Variants in FRMPD4 observed in about 807,000 individuals in gnomAD.
FRMPD4 encodes the protein FERM and PDZ domain containing 4.
FRMPD4 carries 22 observed loss-of-function variants against 94.1 expected under a neutral mutation model. That is an observed-to-expected ratio of 0.23 (90% CI 0.17 to 0.33). The LOEUF (loss-of-function observed/expected upper bound fraction) is 0.33. FRMPD4 is among the 10% of genes least tolerant of loss of function. The probability of loss-of-function intolerance (pLI) is 1.00; values close to 1 mark genes in which losing one functional copy is unlikely to be tolerated. For missense variants in FRMPD4, 1,111 were observed against 1,339.9 expected (o/e 0.83, Z 2.67); for synonymous variants, 631 against 548.6 (o/e 1.15, Z -2.10).
At chrX:12,202,998 C>CT (rs1401125407) in intron 1 of FRMPD4, among the ~76,000 whole-genome samples, 2 of 111,919 alleles carry the variant, frequency 1.8e-5, no homozygotes, top group African/African-American at 6.5e-5. Context: ...CTTCTGGCTT[C>CT]CATACTGTGA....
intron 2 of FRMPD4, among the ~76,000 whole-genome samples, chrX:12,562,567 T>C: frequency 8.9e-6 from 1 of 112,656 alleles, no homozygotes; most frequent in Middle Eastern, 4.6e-3. Flanking sequence ...CAAAGTGCTA[T>C]GATTAATTCT....
At chrX:12,072,102 C>T (rs982288809) in intron 3 of FRMPD4, among the ~76,000 whole-genome samples, 1 of 111,394 alleles carries the variant, frequency 9.0e-6, no homozygotes, top group African/African-American at 3.3e-5. Flanking sequence ...GGGATCCTCT[C>T]ATCTCAGCCC....
In FRMPD4 at chrX:12,477,717, GTTACATGCTCA is replaced by G. The variant is rs752362786; in HGVS notation, c.42-20954_42-20944del. Among the ~76,000 whole-genome samples the G allele has an allele frequency of 2.0e-4, 22 of 112,776 alleles. No individual in the cohort carries two copies. The South Asian group carries it at 5.9e-3, about 30-fold the overall frequency. ...TGCAATCATTTCTTGACAAATATTT[GTTACATGCTCA>G]TTACATGCAAGTATAATTTTGTAAT... On this transcript the variant is annotated intron_variant, in intron 1 of 16. Coordinates refer to ENST00000675598, the MANE Select transcript of FRMPD4 (RefSeq NM_001368397.1).
intron 3 of FRMPD4, among the ~76,000 whole-genome samples, chrX:12,028,715 T>C (rs1199661658): frequency 8.9e-6 from 1 of 111,888 alleles, no homozygotes; most frequent in East Asian, 2.8e-4. Flanking sequence ...CACAATGTCA[T>C]ATAGTTGGAA....
chrX:11,854,886 C>A (rs1437320423), intron 1 of FRMPD4, among the ~76,000 whole-genome samples: 14 of 111,934 alleles, frequency 1.3e-4, no homozygotes, highest in Non-Finnish European at 2.6e-4. Flanking sequence ...CTTCTCACAG[C>A]TCCACCAGGC....
chrX:12,111,629 A>G (rs1601945924), intron 3 of FRMPD4, among the ~76,000 whole-genome samples: 1 of 112,021 alleles, frequency 8.9e-6, no homozygotes, highest in Middle Eastern at 4.6e-3. Flanking sequence ...CAGAGTGAAC[A>G]GGCAACCTAC....
At chrX:12,467,969 T>C (rs1458767127) in intron 1 of FRMPD4, among the ~76,000 whole-genome samples, 1 of 112,246 alleles carries the variant, frequency 8.9e-6, no homozygotes, top group South Asian at 3.7e-4. Context: ...TTCTAACTTA[T>C]TGGTACTTTT....
At chrX:11,971,257 A>G (rs989539569) in intron 3 of FRMPD4, among the ~76,000 whole-genome samples, 1 of 112,560 alleles carries the variant, frequency 8.9e-6, no homozygotes, top group African/African-American at 3.2e-5. Context: ...CACTTGCAGC[A>G]ATGCTTTTTG....
At chrX:12,231,001 TA>T (rs2056986847) in intron 1 of FRMPD4, among the ~76,000 whole-genome samples, 6 of 44,249 alleles carry the variant, frequency 1.4e-4, no homozygotes, top group African/African-American at 3.3e-4. Flanking sequence ...ATAGTATATA[TA>T]ATATATAGTA....
At chrX:11,897,815 A>G (rs2053912408) in intron 3 of FRMPD4, among the ~76,000 whole-genome samples, 1 of 111,974 alleles carries the variant, frequency 8.9e-6, no homozygotes, top group African/African-American at 3.3e-5. Context: ...AACAAAATCA[A>G]TAAGTAAATA....
intron 2 of FRMPD4, among the ~76,000 whole-genome samples, chrX:12,560,569 T>A (rs1602131820): frequency 9.1e-6 from 1 of 109,589 alleles, no homozygotes; most frequent in Non-Finnish European, 1.9e-5. Flanking sequence ...ATTTTGGAGC[T>A]TAAAGTTTTA....
chrX:12,712,438 A>G (rs2042003801), intron 14 of FRMPD4, among the ~76,000 whole-genome samples: 2 of 111,406 alleles, frequency 1.8e-5, no homozygotes, highest in Non-Finnish European at 3.8e-5. Context: ...AGTCCTAGCT[A>G]CACGGGAGGC....
chrX:12,147,512 T>G lies in FRMPD4; in HGVS notation c.41+8500T>G, dbSNP rs765948514. On this transcript the variant is annotated intron_variant, in intron 1 of 16. Transcript: ENST00000675598. Reference sequence around the variant, plus strand: ...GCATGAAAACAGATGCTTATTCTTGTATGACACTGTGTTATGCAGCATTGT... The same window carrying G: ...GCATGAAAACAGATGCTTATTCTTGGATGACACTGTGTTATGCAGCATTGT... Among the ~76,000 whole-genome samples the G allele has an allele frequency of 1.5e-3, 168 of 112,461 alleles. 3 individuals carry two copies. Among genetic ancestry groups the G allele is most frequent in the Non-Finnish European group, 4.5e-4 (24 of 53,280 alleles).
At chrX:12,422,128 G>T (rs966930118) in intron 1 of FRMPD4, among the ~76,000 whole-genome samples, 7 of 112,003 alleles carry the variant, frequency 6.2e-5, no homozygotes, top group African/African-American at 1.9e-4. Flanking sequence ...GCTTTGGGGC[G>T]TGCTTCTTTT....
At chrX:12,085,145 G>A (rs1475454198) in intron 3 of FRMPD4, among the ~76,000 whole-genome samples, 1 of 111,644 alleles carries the variant, frequency 9.0e-6, no homozygotes, top group African/African-American at 3.3e-5. Context: ...CCACCAGATG[G>A]CAATTTTATT....
chrX:11,851,706 GCTAA>G (rs1252320008), intron 1 of FRMPD4, among the ~76,000 whole-genome samples: 2 of 111,095 alleles, frequency 1.8e-5, no homozygotes, highest in Non-Finnish European at 3.8e-5. Flanking sequence ...TCAGATTAAT[GCTAA>G]CTATCTTCCT....
intron 2 of FRMPD4, among the ~76,000 whole-genome samples, chrX:12,583,033 G>A (rs142243047): frequency 0.021 from 2,333 of 111,688 alleles, 22 homozygotes; most frequent in Non-Finnish European, 0.034. Context: ...GATTTCCTAT[G>A]CTCCCTCCTC....
intron 1 of FRMPD4, among the ~76,000 whole-genome samples, chrX:11,835,406 C>T (rs2053495980): frequency 8.9e-6 from 1 of 112,164 alleles, no homozygotes; most frequent in African/African-American, 3.2e-5. Context: ...TCTTTCTTAT[C>T]AAAGCATCCA....
At chrX:12,131,109 C>T (rs994868287) in intron 3 of FRMPD4, among the ~76,000 whole-genome samples, 1 of 111,389 alleles carries the variant, frequency 9.0e-6, no homozygotes, top group South Asian at 3.8e-4. Flanking sequence ...CTGAGCAAAA[C>T]GGGTGAGAGA....
Sources: allele counts gnomAD v4.1 joint callset (sites outside exome capture counted in the v4.1 genomes callset), GRCh38; gene constraint gnomAD v4.1.1; transcripts MANE v1.5; gene names NCBI Gene and HGNC (gene_info 2026-07-23, HGNC 2026-07-21).